ATF2: variants seen among roughly 807,000 people sequenced by gnomAD.
The protein encoded by ATF2 is activating transcription factor 2.
In ATF2, 24 loss-of-function variants were observed where a neutral mutation model predicts 60.6. The ratio of observed to expected loss-of-function variants is 0.40; its 90% CI spans 0.29 to 0.56. The LOEUF is 0.56. Ranked by LOEUF, ATF2 falls within the 20% of genes least tolerant of loss-of-function variation. The probability of loss-of-function intolerance (pLI) is 0.54; values close to 1 mark genes in which losing one functional copy is unlikely to be tolerated. For synonymous variants in ATF2, 206 were observed against 215.4 expected, an observed-to-expected ratio of 0.96 and a Z score of 0.38; for missense variants, 433 against 607.7, an observed-to-expected ratio of 0.71 and a Z score of 3.02.
chr2:175,106,697 G>A (rs891111416), intron 10 of ATF2, among the ~76,000 whole-genome samples: 5 of 152,006 alleles, frequency 3.3e-5, no homozygotes, highest in African/African-American at 1.2e-4. Flanking sequence ...TTAGCTGCAT[G>A]TGGTGGCGGA....
intron 2 of ATF2, among the ~76,000 whole-genome samples, chr2:175,144,223 C>T (rs997176844): frequency 6.6e-6 from 1 of 152,140 alleles, no homozygotes; most frequent in Non-Finnish European, 1.5e-5. Flanking sequence ...ATAGTCCTAA[C>T]TATTCATTTT....
At chr2:175,103,214 T>C (rs1695421963) in intron 10 of ATF2, among the ~76,000 whole-genome samples, 1 of 152,214 alleles carries the variant, frequency 6.6e-6, no homozygotes, top group African/African-American at 2.4e-5. Flanking sequence ...GATCCATATT[T>C]CATATGTGCC....
At chr2:175,161,637 T>G (rs1700034376) in intron 1 of ATF2, among the ~76,000 whole-genome samples, 1 of 152,350 alleles carries the variant, frequency 6.6e-6, no homozygotes, top group East Asian at 1.9e-4. Context: ...TATCATATAC[T>G]CATATACACT....
chr2:175,151,224 C>T (rs1009544963), intron 1 of ATF2, 66 bp from the exon 2 acceptor site: 1 of 152,078 alleles, frequency 6.6e-6, no homozygotes, highest in Non-Finnish European at 1.5e-5. Context: ...TTAATAGCCT[C>T]TTGTATTTCA....
chr2:175,144,173 A>G (rs1193315231), intron 2 of ATF2, among the ~76,000 whole-genome samples: 1 of 152,160 alleles, frequency 6.6e-6, no homozygotes, highest in Non-Finnish European at 1.5e-5. Flanking sequence ...TTCTTATGAC[A>G]TGGATTTCTG....
rs954668428 is a variant in ATF2 at position 175,074,717 on chromosome 2, T to C, written c.1410A>G (p.Glu470=). ...GGGTGAGGACTGAAGTGGCTACAGC[T>C]TCTGCCTTGGAGGTTGAACTGACTC... ...SNGVSSTSKA[E]AVATSVLTQM... is the part of the protein sequence containing the mutation. Residue 470 remains glutamate (E), a synonymous_variant, in exon 14 of 14, where the codon GAA becomes GAG. Transcript: ENST00000264110. 1.2e-6 allele frequency: 2 copies of C among 1,613,492 alleles called. No individual in the cohort carries two copies. Among genetic ancestry groups the C allele is most frequent in the Non-Finnish European group, 1.7e-6 (2 of 1,179,718 alleles).
intron 12 of ATF2, among the ~76,000 whole-genome samples, chr2:175,087,819 C>A (rs769215533): frequency 1.8e-4 from 27 of 152,132 alleles, no homozygotes; most frequent in Non-Finnish European, 3.8e-4. Context: ...GAAAAAAAGA[C>A]AAGAGTTCTC....
In ATF2 at chr2:175,141,424, A is replaced by G. The variant is rs533632026; in HGVS notation, c.-43-4938T>C. On this transcript the variant is annotated intron_variant, in intron 2 of 13. Coordinates refer to ENST00000264110, the MANE Select transcript of ATF2 (RefSeq NM_001880.4). The stretch of plus-strand genomic sequence containing the variant: ...AATACAACATGAAGCTTTATCTTCA[A>G]CACTTAAAAATTTCACCTAGGTATG... Among the ~76,000 whole-genome samples the G allele has an allele frequency of 7.2e-5, 11 of 152,258 alleles. No homozygotes were observed. In the East Asian group the frequency reaches 1.2e-3, roughly 16 times the overall value.
chr2:175,110,660 A>G (rs1235449522), intron 10 of ATF2, among the ~76,000 whole-genome samples: 1 of 152,140 alleles, frequency 6.6e-6, no homozygotes, highest in Admixed American at 6.5e-5. Context: ...GCTGGAGTGC[A>G]ATAGTGCGAT....
In ATF2 at chr2:175,072,863, A is replaced by G. The variant is rs535514500; in HGVS notation, c.*1746T>C. ...TAAAATTCCCATTATCTTCATACTT[A>G]AAGTCCTGAAATGTCATTTATATAA... is the stretch of plus-strand genomic sequence containing the variant. On this transcript the variant is annotated 3_prime_UTR_variant, in exon 14 of 14. Transcript: ENST00000264110. 1 of 152,298 alleles carries G rather than the reference A, an allele frequency of 6.6e-6. No individual in the cohort carries two copies. The highest frequency in any genetic ancestry group is 1.5e-5 in the Non-Finnish European group (1 of 68,012). 9.4% of individuals were successfully genotyped at this position (152,298 alleles called of 1,614,324 possible).
chr2:175,163,784 G>C (rs1358843788), intron 1 of ATF2, among the ~76,000 whole-genome samples: 1 of 151,222 alleles, frequency 6.6e-6, no homozygotes, highest in Non-Finnish European at 1.5e-5. Context: ...TTAGCCAGGT[G>C]TGGTGGCGGG....
chr2:175,076,826 T>C (rs1432540776), intron 13 of ATF2, among the ~76,000 whole-genome samples: 2 of 152,136 alleles, frequency 1.3e-5, no homozygotes, highest in East Asian at 3.8e-4. Context: ...CTTTAAGTTT[T>C]AGGGTACATG....
intron 5 of ATF2, among the ~76,000 whole-genome samples, chr2:175,120,593 A>G (rs1696886888): frequency 6.6e-6 from 1 of 151,700 alleles, no homozygotes; most frequent in African/African-American, 2.4e-5. Flanking sequence ...GTAATTCCAG[A>G]CTTATATGAC....
At chr2:175,089,394 C>T (rs972585305) in intron 12 of ATF2, among the ~76,000 whole-genome samples, 2 of 152,118 alleles carry the variant, frequency 1.3e-5, no homozygotes, top group African/African-American at 4.8e-5. Flanking sequence ...TACCTCAACA[C>T]TTGTTAAACC....
At chr2:175,096,121 A>G (rs1694916983) in intron 11 of ATF2, among the ~76,000 whole-genome samples, 2 of 152,222 alleles carry the variant, frequency 1.3e-5, no homozygotes, top group South Asian at 4.1e-4. Context: ...TGTTTCTTTG[A>G]TTGAAAACTT....
At chr2:175,082,496 C>T (rs1256936444) in intron 12 of ATF2, among the ~76,000 whole-genome samples, 2 of 152,110 alleles carry the variant, frequency 1.3e-5, no homozygotes, top group Non-Finnish European at 2.9e-5. Context: ...GTATATTACC[C>T]ATCCTGTCAG....
At chr2:175,152,990 G>T (rs1699411387) in intron 1 of ATF2, among the ~76,000 whole-genome samples, 2 of 152,078 alleles carry the variant, frequency 1.3e-5, no homozygotes, top group African/African-American at 4.8e-5. Context: ...GAGATATTTG[G>T]GTTCTTATTT....
At chr2:175,139,398 G>A (rs1271139511) in intron 2 of ATF2, among the ~76,000 whole-genome samples, 2 of 152,054 alleles carry the variant, frequency 1.3e-5, no homozygotes, top group African/African-American at 2.4e-5. Context: ...ATAGCCAGGC[G>A]CAGTGGCTCA....
chr2:175,111,934 T>C (rs544308081), intron 9 of ATF2, among the ~76,000 whole-genome samples: 1 of 152,222 alleles, frequency 6.6e-6, no homozygotes. Context: ...AAGTGATTAA[T>C]GCAAAAATTC....
Sources: gnomAD v4.1 joint callset for allele counts (sites outside exome capture counted in the v4.1 genomes callset) on GRCh38, gnomAD v4.1.1 for gene constraint, MANE v1.5 for transcripts, NCBI Gene and HGNC (gene_info 2026-07-23, HGNC 2026-07-21) for gene names.